Variants in DPP6 observed in about 807,000 individuals in gnomAD.
The protein encoded by DPP6 is dipeptidyl peptidase like 6.
A neutral mutation model predicts 122.6 loss-of-function variants in DPP6; 69 were observed. That is an observed-to-expected ratio of 0.56 (90% confidence interval 0.46 to 0.69). The LOEUF is 0.69. Among genes scored for constraint, DPP6 ranks in the 30% least tolerant of loss-of-function variants. The pLI, the probability that DPP6 is intolerant of heterozygous loss-of-function variation, is 0.00. For missense variants in DPP6, 928 were observed against 1,116.9 expected, an observed-to-expected ratio of 0.83 and a Z score of 2.41; for synonymous variants, 418 against 433.1, an observed-to-expected ratio of 0.97 and a Z score of 0.43.
intron 12 of DPP6, among the ~76,000 whole-genome samples, chr7:154,801,148 C>T (rs569520834): frequency 2.0e-5 from 3 of 152,112 alleles, no homozygotes; most frequent in East Asian, 3.9e-4. Flanking sequence ...CCTCTTAATT[C>T]CTCCATCTTC....
At chr7:154,504,174 C>T (rs1432714084) in intron 3 of DPP6, among the ~76,000 whole-genome samples, 1 of 146,346 alleles carries the variant, frequency 6.8e-6, no homozygotes, top group African/African-American at 2.5e-5. Context: ...GCTAAGGATA[C>T]ACTTTTAAAT....
At chr7:154,759,539 C>G (rs1481615244) in intron 8 of DPP6, among the ~76,000 whole-genome samples, 1 of 152,246 alleles carries the variant, frequency 6.6e-6, no homozygotes, top group African/African-American at 2.4e-5. Flanking sequence ...GCTTCCCTCT[C>G]CCTGAGCCTT....
At chr7:154,768,636 A>G (rs183308525) in intron 8 of DPP6, among the ~76,000 whole-genome samples, 19 of 152,278 alleles carry the variant, frequency 1.2e-4, no homozygotes, top group Non-Finnish European at 2.1e-4. Context: ...ACGCTGTAGA[A>G]ATTTCCCCTC....
intron 12 of DPP6, among the ~76,000 whole-genome samples, chr7:154,801,137 G>A (rs1355974936): frequency 2.6e-5 from 4 of 152,084 alleles, no homozygotes; most frequent in African/African-American, 9.7e-5. Context: ...CGGGGCTGTA[G>A]CCTCTTAATT....
At chr7:154,504,652 T>C (rs1022215387) in intron 3 of DPP6, among the ~76,000 whole-genome samples, 2 of 152,154 alleles carry the variant, frequency 1.3e-5, no homozygotes, top group African/African-American at 2.4e-5. Context: ...AAAAGCTCAA[T>C]ACCATATTCC....
intron 16 of DPP6, among the ~76,000 whole-genome samples, chr7:154,842,882 T>A (rs1251297318): frequency 2.6e-5 from 4 of 152,228 alleles, no homozygotes; most frequent in Non-Finnish European, 1.5e-5. Flanking sequence ...ACATCAGGGC[T>A]GTTGTTGCAT....
intron 7 of DPP6, among the ~76,000 whole-genome samples, chr7:154,724,174 C>A (rs1841953694): frequency 6.6e-6 from 1 of 152,034 alleles, no homozygotes; most frequent in African/African-American, 2.4e-5. Context: ...TCAAAAGCTC[C>A]CCAGGCCATG....
intron 7 of DPP6, among the ~76,000 whole-genome samples, chr7:154,691,478 C>T (rs1400241910): frequency 1.3e-5 from 2 of 152,068 alleles, no homozygotes; most frequent in African/African-American, 4.8e-5. Context: ...TACAAAATGT[C>T]CCTGATAAAT....
chr7:154,192,636 G>A lies in DPP6; in HGVS notation c.243+139573G>A, dbSNP rs144747462. On this transcript the variant is annotated intron_variant, in intron 1 of 25. Coordinates refer to ENST00000377770, the MANE Select transcript of DPP6 (RefSeq NM_130797.4). ...CCCAGAAGGCAGAAGCTTGAGGAAG[G>A]CCACAAGAAGGAGATATTTCAATTA... 7.5e-3 allele frequency among the ~76,000 whole-genome samples: 1,143 copies of A among 152,370 alleles called. 16 individuals carry two copies. Among genetic ancestry groups the A allele is most frequent in the African/African-American group, 0.026 (1,085 of 41,588 alleles).
chr7:154,703,355 A>G (rs1191415560), intron 7 of DPP6, among the ~76,000 whole-genome samples: 2 of 152,350 alleles, frequency 1.3e-5, no homozygotes, highest in Admixed American at 1.3e-4. Context: ...ATGGCGGCTC[A>G]TGCCTGTAAT....
At chr7:153,931,880 C>T (rs1801186548) in intron 1 of DPP6, among the ~76,000 whole-genome samples, 1 of 152,184 alleles carries the variant, frequency 6.6e-6, no homozygotes, top group African/African-American at 2.4e-5. Flanking sequence ...GCCTGATCAG[C>T]TGAGGATCTG....
chr7:154,240,176 G>A (rs2150871530), intron 1 of DPP6, among the ~76,000 whole-genome samples: 1 of 152,156 alleles, frequency 6.6e-6, no homozygotes, highest in South Asian at 2.1e-4. Context: ...AGGTTTTAAG[G>A]AAAAGGATCA....
intron 1 of DPP6, among the ~76,000 whole-genome samples, chr7:154,354,422 ACTC>A (rs937352901): frequency 6.6e-6 from 1 of 152,026 alleles, no homozygotes; most frequent in African/African-American, 2.4e-5. Context: ...TGGGACAGAC[ACTC>A]CTCATCCTGA....
chr7:153,898,527 T>C (rs1799506499), intron 1 of DPP6, among the ~76,000 whole-genome samples: 1 of 152,226 alleles, frequency 6.6e-6, no homozygotes, highest in South Asian at 2.1e-4. Context: ...TTTGAGGTGA[T>C]GAATATCCTA....
rs546500266 is a variant in DPP6 at position 154,789,811 on chromosome 7, G to A, written c.1137-4268G>A. Among the ~76,000 whole-genome samples the A allele has an allele frequency of 2.6e-5, 4 of 152,338 alleles. No homozygotes were observed. The South Asian group carries it at 8.3e-4, about 32-fold the overall frequency. On this transcript the variant is annotated intron_variant, in intron 10 of 25. Transcript: ENST00000377770. Reference sequence around the variant, plus strand: ...CGCTGCCTCGCAAGGTGCCTACCTTGTCCCCAGAAAGCTGCTAGAACGCCT... The same window carrying A: ...CGCTGCCTCGCAAGGTGCCTACCTTATCCCCAGAAAGCTGCTAGAACGCCT...
At chr7:154,096,333 T>A (rs1805317294) in intron 1 of DPP6, among the ~76,000 whole-genome samples, 1 of 99,282 alleles carries the variant, frequency 1.0e-5, no homozygotes, top group African/African-American at 4.0e-5. Context: ...ATAAGAAAAA[T>A]TTTTCAGGGA....
chr7:154,799,595 GT>G (rs1380527613), intron 12 of DPP6, among the ~76,000 whole-genome samples: 1 of 152,304 alleles, frequency 6.6e-6, no homozygotes, highest in East Asian at 1.9e-4. Flanking sequence ...TGGAAGGGGG[GT>G]TGGACAAAAT....
chr7:154,377,641 A>G (rs1813239976), intron 1 of DPP6, among the ~76,000 whole-genome samples: 1 of 151,082 alleles, frequency 6.6e-6, no homozygotes, highest in Non-Finnish European at 1.5e-5. Context: ...GCTCTCTCTC[A>G]CCCTCCTGCT....
chr7:153,945,188 C>T (rs1801893967), intron 1 of DPP6, among the ~76,000 whole-genome samples: 1 of 152,130 alleles, frequency 6.6e-6, no homozygotes, highest in Admixed American at 6.5e-5. Context: ...TAGAATGCTG[C>T]CTGGCTTGGA....
Sources: gnomAD v4.1 joint callset for allele counts (sites outside exome capture counted in the v4.1 genomes callset) on GRCh38, gnomAD v4.1.1 for gene constraint, MANE v1.5 for transcripts, NCBI Gene and HGNC (gene_info 2026-07-23, HGNC 2026-07-21) for gene names.